Variants in NAV1 observed in about 807,000 individuals in gnomAD.
NAV1 encodes neuron navigator 1, also known as pore membrane and/or filament interacting like protein 3.
In NAV1, 18 loss-of-function variants were observed where a neutral mutation model predicts 175.2. The observed-to-expected ratio is 0.10, with a 90% confidence interval of 0.07 to 0.15. The LOEUF is 0.15. Ranked by LOEUF, NAV1 falls within the 10% of genes least tolerant of loss-of-function variation. The probability of loss-of-function intolerance (pLI) is 1.00; values close to 1 mark genes in which losing one functional copy is unlikely to be tolerated. For missense variants in NAV1, 1,731 were observed against 2,436.6 expected, an observed-to-expected ratio of 0.71 and a Z score of 6.10; for synonymous variants, 897 against 978.7, an observed-to-expected ratio of 0.92 and a Z score of 1.56.
intron 15 of NAV1, among the ~76,000 whole-genome samples, chr1:201,801,666 T>C (rs998534456): frequency 6.6e-6 from 1 of 152,134 alleles, no homozygotes; most frequent in African/African-American, 2.4e-5. Flanking sequence ...GATGTTTGCA[T>C]TGGAGGAGGT....
rs574843819 is a variant in NAV1, at chr1:201,581,199, C to T, written c.-143-7340C>T. Among the ~76,000 whole-genome samples, 9 of 152,184 alleles carry T rather than the reference C, an allele frequency of 5.9e-5. No homozygotes were observed. In the South Asian group the frequency reaches 1.9e-3, roughly 32 times the overall value. ...GGCAGGGAGTGGAGAGACCAGCGAGCAGGTTTTTGTTACGGTTCGAGTGAG... is the reference window on the plus strand; with the variant it reads ...GGCAGGGAGTGGAGAGACCAGCGAGTAGGTTTTTGTTACGGTTCGAGTGAG... On this transcript the variant is annotated intron_variant, in intron 1 of 33. Transcript: ENST00000685211.
intron 15 of NAV1, among the ~76,000 whole-genome samples, chr1:201,800,792 T>A (rs1348683061): frequency 2.0e-5 from 3 of 151,718 alleles, no homozygotes; most frequent in Non-Finnish European, 4.4e-5. Flanking sequence ...AAATAAAGAT[T>A]TTTTTTAACT....
intron 1 of NAV1, among the ~76,000 whole-genome samples, chr1:201,543,343 G>C (rs1375203541): frequency 6.6e-6 from 1 of 151,954 alleles, no homozygotes; most frequent in African/African-American, 2.4e-5. Flanking sequence ...AATCACAAAG[G>C]GGTGTTGAAT....
At chr1:201,597,989 G>A (rs1420981448) in intron 2 of NAV1, among the ~76,000 whole-genome samples, 1 of 152,226 alleles carries the variant, frequency 6.6e-6, no homozygotes, top group Admixed American at 6.5e-5. Context: ...GCGTCAAGAT[G>A]TCGTCAATGC....
At position 201,750,905 on chromosome 1, in the gene NAV1, T is replaced by C. The variant is rs1674062579; in HGVS notation, c.1227-29516T>C. Among the ~76,000 whole-genome samples the C allele has an allele frequency of 1.3e-5, 2 of 152,190 alleles. No individual in the cohort carries two copies. The highest frequency in any genetic ancestry group is 4.1e-4 in the South Asian group (2 of 4,830). On this transcript the variant is annotated intron_variant, in intron 3 of 29. Transcript: ENST00000367296. The surrounding 1 kb of genome is among the most constrained non-coding windows in gnomAD (Gnocchi z 4.1). ...TGGAAGAAAGAGCAGGATGTTTTTA[T>C]TTCTGTCTATTGCCTGAAGGCATCT...
chr1:201,567,713 G>T (rs1363528922), intron 1 of NAV1, among the ~76,000 whole-genome samples: 1 of 152,126 alleles, frequency 6.6e-6, no homozygotes, highest in Non-Finnish European at 1.5e-5. Context: ...GTGGAGGAAG[G>T]TGGAGACTGT....
At chr1:201,598,677 C>T (rs938258110) in intron 2 of NAV1, among the ~76,000 whole-genome samples, 4 of 152,208 alleles carry the variant, frequency 2.6e-5, no homozygotes, top group Non-Finnish European at 5.9e-5. Context: ...ACCTCAAGTT[C>T]ATCATCTGTC....
At chr1:201,732,402 C>T (rs1242082017) in intron 3 of NAV1, among the ~76,000 whole-genome samples, 1 of 152,076 alleles carries the variant, frequency 6.6e-6, no homozygotes, top group Non-Finnish European at 1.5e-5. Flanking sequence ...GGGTCTCAAA[C>T]TCCTGGGCTC....
Position 201,682,710 on chromosome 1 carries a change from A to G in NAV1, c.758-30107A>G, listed in dbSNP as rs574848169. On this transcript the variant is annotated intron_variant, in intron 1 of 29. Transcript: ENST00000367296. ...GGAATACTTTATTTTCATTACATGC[A>G]AGGTTGGAAAAAAAAAAAAGTAATG... 9.9e-5 allele frequency among the ~76,000 whole-genome samples: 15 copies of G among 152,128 alleles called. No individual in the cohort carries two copies. In the South Asian group the frequency reaches 3.1e-3, roughly 32 times the overall value.
At chr1:201,573,870 A>C (rs567599839) in intron 1 of NAV1, among the ~76,000 whole-genome samples, 1 of 152,158 alleles carries the variant, frequency 6.6e-6, no homozygotes, top group Non-Finnish European at 1.5e-5. Context: ...AACCTGGGCA[A>C]CATAGAAAGG....
chr1:201,623,149 G>A, exon 1 of NAV1: 1 of 986,038 alleles, frequency 1.0e-6, no homozygotes, highest in Non-Finnish European at 1.2e-6. Flanking sequence ...GAGGGAGTCA[G>A]CTGAGGATGG....
At chr1:201,657,107 T>A (rs1669435657) in intron 1 of NAV1, among the ~76,000 whole-genome samples, 1 of 152,164 alleles carries the variant, frequency 6.6e-6, no homozygotes, top group Non-Finnish European at 1.5e-5. Context: ...AAGGGGGAAA[T>A]GAAAAGCTCA....
chr1:201,582,947 G>T (rs916419723), intron 1 of NAV1, among the ~76,000 whole-genome samples: 6 of 152,220 alleles, frequency 3.9e-5, no homozygotes, highest in African/African-American at 1.4e-4. Context: ...GATCTTAACT[G>T]TCATCCTTGC....
At chr1:201,621,338 T>TC (rs1449125206), upstream of NAV1, among the ~76,000 whole-genome samples, 7 of 144,770 alleles carry the variant, frequency 4.8e-5, no homozygotes, top group Admixed American at 2.0e-4. Flanking sequence ...CTTTCTTTTT[T>TC]TTTTTTTTTT....
chr1:201,794,393 G>C, intron 14 of NAV1, 73 bp from the exon 19 acceptor site: 1 of 1,374,000 alleles, frequency 7.3e-7, no homozygotes, highest in Non-Finnish European at 1.0e-6. Context: ...CGCCCACCTC[G>C]GCCTCCCAAA....
At position 201,675,692 on chromosome 1, in the gene NAV1, G is replaced by A. The variant is rs150976465; in HGVS notation, c.757+26267G>A. ...AGTGGGATGATGTTTAAAACAAAGC[G>A]ATGGAATTTGAGGGGTACAACCCCT... On this transcript the variant is annotated intron_variant, in intron 1 of 29. Transcript: ENST00000367296. Among the ~76,000 whole-genome samples, 19 of 152,262 alleles carry A rather than the reference G, an allele frequency of 1.2e-4. No homozygotes were observed. In the East Asian group the frequency reaches 3.7e-3, roughly 29 times the overall value.
chr1:201,549,318 C>T (rs1203049547), intron 1 of NAV1, among the ~76,000 whole-genome samples: 1 of 152,004 alleles, frequency 6.6e-6, no homozygotes, highest in East Asian at 1.9e-4. Flanking sequence ...AGATGATCCT[C>T]CCACCGCAGC....
intron 16 of NAV1, 118 bp from the exon 21 acceptor site, chr1:201,804,371 C>T: frequency 9.6e-7 from 1 of 1,042,868 alleles, no homozygotes; most frequent in Non-Finnish European, 1.4e-6. Flanking sequence ...CAGTAAGACA[C>T]ACCCCCAGAC....
chr1:201,713,951 AT>A (rs1377172755), intron 2 of NAV1, among the ~76,000 whole-genome samples: 3 of 152,106 alleles, frequency 2.0e-5, no homozygotes, highest in African/African-American at 7.2e-5. Context: ...TTCTTTTTTT[AT>A]TTTTAACATA....
Sources: allele counts gnomAD v4.1 joint callset (sites outside exome capture counted in the v4.1 genomes callset), GRCh38; gene constraint gnomAD v4.1.1; non-coding constraint Gnocchi (gnomAD v3.1); transcripts MANE v1.5; gene names NCBI Gene and HGNC (gene_info 2026-07-23, HGNC 2026-07-21).